Variants in USP22 observed in about 807,000 individuals in gnomAD.
USP22 encodes ubiquitin specific peptidase 22, also known as ubiquitin carboxyl-terminal hydrolase 22.
In USP22, 22 loss-of-function variants were observed where a neutral mutation model predicts 68.1. That is an observed-to-expected ratio of 0.32 (90% CI 0.23 to 0.46). The LOEUF (loss-of-function observed/expected upper bound fraction) is 0.46. USP22 is among the 20% of genes least tolerant of loss of function. USP22 has a pLI of 1.00. For missense variants in USP22, 433 were observed against 695.8 expected (o/e 0.62, Z 4.25); for synonymous variants, 279 against 274.2 (o/e 1.02, Z -0.17).
At chr17:21,008,348 A>C (rs2143527343) in intron 8 of USP22, among the ~76,000 whole-genome samples, 1 of 152,344 alleles carries the variant, frequency 6.6e-6, no homozygotes, top group African/African-American at 2.4e-5. Flanking sequence ...CGAGAGTCAC[A>C]AAACTGGAAA....
At chr17:21,006,253 A>G (rs1198601697) in intron 10 of USP22, among the ~76,000 whole-genome samples, 1 of 152,216 alleles carries the variant, frequency 6.6e-6, no homozygotes, top group East Asian at 1.9e-4. Context: ...TTGAAAAGGA[A>G]AATGCAATCT....
chr17:21,003,751 G>A (rs1913675669), intron 12 of USP22, among the ~76,000 whole-genome samples: 1 of 151,830 alleles, frequency 6.6e-6, no homozygotes, highest in South Asian at 2.1e-4. Context: ...AAATACAAAA[G>A]TAGGCAGGCG....
intron 12 of USP22, among the ~76,000 whole-genome samples, chr17:21,003,323 C>A (rs1913657424): frequency 6.6e-6 from 1 of 152,234 alleles, no homozygotes. Flanking sequence ...CCTCACCCAA[C>A]CTCCCACAGC....
intron 1 of USP22, among the ~76,000 whole-genome samples, chr17:21,041,521 C>A (rs1972430801): frequency 1.3e-5 from 2 of 152,178 alleles, no homozygotes; most frequent in South Asian, 4.1e-4. Flanking sequence ...TCGGCTGAAC[C>A]CGGGAGGCGG....
In USP22 at chr17:21,021,247, G is replaced by C. The variant is rs750450992; in HGVS notation, c.305-21C>G. ...AATGGCTGAGGAGAGAAAGGAGGGA[G>C]GAGAAACCAAGTTGAATTAAAAACC... is the stretch of plus-strand genomic sequence containing the variant. On this transcript the variant is annotated intron_variant, in intron 2 of 12. Coordinates refer to ENST00000261497, the MANE Select transcript of USP22 (RefSeq NM_015276.2). 3 of 1,553,112 alleles carry C rather than the reference G, an allele frequency of 1.9e-6. No individual in the cohort carries two copies. The African/African-American group carries it at 4.1e-5, about 21-fold the overall frequency.
chr17:21,020,371 C>T (rs574813918), intron 3 of USP22, among the ~76,000 whole-genome samples: 166 of 152,086 alleles, frequency 1.1e-3, no homozygotes, highest in African/African-American at 3.8e-3. Context: ...TGTGTGTGGC[C>T]ACACGGTGGC....
Position 21,017,927 on chromosome 17 carries a change from G to A in USP22, c.690+15C>T. ...GTAACAGAAATGTTCCCCTGCAGAA[G>A]TCAATGGCGCTCACCTCCTGAAACA... On this transcript the variant is annotated intron_variant, in intron 5 of 12. Transcript: ENST00000261497. The A allele has an allele frequency of 6.2e-7, 1 of 1,612,976 alleles. No homozygotes were observed. Among genetic ancestry groups the A allele is most frequent in the Non-Finnish European group, 8.5e-7 (1 of 1,179,710 alleles).
At chr17:21,041,798 A>ATTTCCAAACCC (rs1972436386) in intron 1 of USP22, among the ~76,000 whole-genome samples, 2 of 152,216 alleles carry the variant, frequency 1.3e-5, no homozygotes, top group African/African-American at 4.8e-5. Context: ...TTACGTTTTG[A>ATTTCCAAACCC]TTTCCAAACC....
chr17:21,012,460 G>A (rs542865169), intron 7 of USP22, among the ~76,000 whole-genome samples: 7 of 152,150 alleles, frequency 4.6e-5, no homozygotes, highest in Non-Finnish European at 1.0e-4. Context: ...AACACACTTC[G>A]AAGCACGTAG....
intron 12 of USP22, among the ~76,000 whole-genome samples, chr17:21,003,900 CAAAA>C (rs545524182): frequency 1.8e-5 from 2 of 113,894 alleles, no homozygotes; most frequent in Non-Finnish European, 3.5e-5. Context: ...AACTCCGTCT[CAAAA>C]AAAAAAAAAA....
chr17:21,008,388 TAAAG>T (rs887205049), intron 8 of USP22, among the ~76,000 whole-genome samples: 18 of 152,186 alleles, frequency 1.2e-4, no homozygotes, highest in African/African-American at 3.9e-4. Context: ...GCTGAATAAT[TAAAG>T]AAACTGTGGA....
chr17:21,019,044 G>C, intron 4 of USP22, 40 bp downstream of exon 4: 3 of 1,599,450 alleles, frequency 1.9e-6, no homozygotes, highest in African/African-American at 1.3e-5. Flanking sequence ...TTAAACCCTG[G>C]AAAGAAGCCT....
chr17:21,023,200 G>C (rs567400943), intron 2 of USP22, among the ~76,000 whole-genome samples: 1 of 152,126 alleles, frequency 6.6e-6, no homozygotes, highest in Non-Finnish European at 1.5e-5. Context: ...GGAGAAGGGA[G>C]AGGATCAGGA....
In USP22 at chr17:21,006,924, G is replaced by C. The variant is rs528659838; in HGVS notation, c.1294C>G (p.Leu432Val). The change falls in exon 10 of 13, where the codon CTG (leucine) becomes GTG (valine). Residue 432 changes from leucine to valine, a missense_variant. Leu to Val is a conservative substitution (Grantham distance 32). Around this residue, in one of 4 missense-constraint regions of USP22, gnomAD observed 178 missense variants for 351.5 expected, o/e 0.51. Coordinates refer to ENST00000261497, the MANE Select transcript of USP22 (RefSeq NM_015276.2). ...ITTYVSFPLELDMTPFMASSK... is the reference protein window; with the variant it reads ...ITTYVSFPLEVDMTPFMASSK... Reference sequence around the variant, plus strand: ...GAGGCCATGAAAGGGGTCATGTCCAGCTCCAGGGGGAAGGACACATACGTG... The same window carrying C: ...GAGGCCATGAAAGGGGTCATGTCCACCTCCAGGGGGAAGGACACATACGTG... 3.7e-6 allele frequency: 6 copies of C among 1,609,076 alleles called. No individual in the cohort carries two copies.
At chr17:21,030,816 C>G (rs1007219788) in intron 1 of USP22, among the ~76,000 whole-genome samples, 21 of 152,092 alleles carry the variant, frequency 1.4e-4, no homozygotes, top group African/African-American at 4.3e-4. Context: ...ATCCTATACG[C>G]CAATTTTTAA....
chr17:21,028,184 C>T (rs1371435198), intron 2 of USP22, among the ~76,000 whole-genome samples: 1 of 152,176 alleles, frequency 6.6e-6, no homozygotes, highest in Admixed American at 6.5e-5. Flanking sequence ...CCAGCCTCAG[C>T]GACCTCATAT....
At chr17:21,006,507 A>AAATT (rs1913784260) in intron 10 of USP22, 1 of 139,138 alleles carries the variant, frequency 7.2e-6, no homozygotes. Context: ...ATCGACAGTC[A>AAATT]TTTTTTTTTT....
At position 21,002,988 on chromosome 17, in the gene USP22, G is replaced by A. The variant is rs1262965446; in HGVS notation, c.*43C>T. 1.9e-6 allele frequency: 3 copies of A among 1,609,878 alleles called. No homozygotes were observed. The highest frequency in any genetic ancestry group is 3.3e-5 in the Admixed American group (2 of 59,982). The stretch of plus-strand genomic sequence containing the variant: ...CAGGGAGGATCACTTTGTGAGGCTT[G>A]CCAATGCATTGCCTTTGTTTTTCTG... On this transcript the variant is annotated 3_prime_UTR_variant, in exon 13 of 13. Coordinates refer to ENST00000261497, the MANE Select transcript of USP22 (RefSeq NM_015276.2).
rs116744873 is a variant in USP22 at position 21,008,921 on chromosome 17, G to A, written c.1104-925C>T. ...ACCTGACCAACATAAGAGAAATTCC[G>A]TCTGTACTAAAAATACAAAATTAGC... On this transcript the variant is annotated intron_variant, in intron 8 of 12. Coordinates refer to ENST00000261497, the MANE Select transcript of USP22 (RefSeq NM_015276.2). 7.4e-3 allele frequency among the ~76,000 whole-genome samples: 1,120 copies of A among 151,922 alleles called. 14 individuals carry two copies. The highest frequency in any genetic ancestry group is 0.025 in the African/African-American group (1,049 of 41,398).
Sources: gnomAD v4.1 joint callset for allele counts (sites outside exome capture counted in the v4.1 genomes callset) on GRCh38, gnomAD v4.1.1 for gene constraint, gnomAD v4.1.1 regional missense constraint, MANE v1.5 for transcripts, NCBI Gene and HGNC (gene_info 2026-07-23, HGNC 2026-07-21) for gene names.